The following RPS6KA2 variants were observed in gnomAD, a reference collection of about 807,000 sequenced individuals.
RPS6KA2 encodes the protein ribosomal protein S6 kinase A2.
RPS6KA2 carries 42 observed loss-of-function variants against 91.8 expected under a neutral mutation model. That is an observed-to-expected ratio of 0.46 (90% confidence interval 0.36 to 0.59). The LOEUF (loss-of-function observed/expected upper bound fraction) is 0.59. Among genes scored for constraint, RPS6KA2 ranks in the 20% least tolerant of loss-of-function variants. RPS6KA2 has a pLI of 0.00. For missense variants in RPS6KA2, 798 were observed against 978.5 expected, an observed-to-expected ratio of 0.82 and a Z score of 2.46; for synonymous variants, 414 against 393.6, an observed-to-expected ratio of 1.05 and a Z score of -0.61.
chr6:166,818,399 C>A (rs970359954), intron 2 of RPS6KA2, among the ~76,000 whole-genome samples: 5 of 152,146 alleles, frequency 3.3e-5, no homozygotes, highest in African/African-American at 1.2e-4. Context: ...CAGATTAAAG[C>A]CTTTTGACAA....
At chr6:166,584,781 A>G (rs1785117823) in intron 1 of RPS6KA2, among the ~76,000 whole-genome samples, 1 of 152,266 alleles carries the variant, frequency 6.6e-6, no homozygotes, top group Non-Finnish European at 1.5e-5. Flanking sequence ...TGAGCTCAGA[A>G]AGCGTTCCAA....
intron 12 of RPS6KA2, among the ~76,000 whole-genome samples, chr6:166,452,952 C>T (rs558568303): frequency 9.9e-5 from 15 of 152,240 alleles, no homozygotes; most frequent in African/African-American, 3.4e-4. Context: ...GTAATCCCAG[C>T]ACTTTGGGAG....
chr6:166,575,027 C>T (rs185614422), intron 1 of RPS6KA2, among the ~76,000 whole-genome samples: 1 of 152,250 alleles, frequency 6.6e-6, no homozygotes, highest in Non-Finnish European at 1.5e-5. Flanking sequence ...CCCTGGTCTG[C>T]CCCACTGCTC....
chr6:166,486,178 G>A (rs1328730573), intron 10 of RPS6KA2, among the ~76,000 whole-genome samples: 1 of 152,184 alleles, frequency 6.6e-6, no homozygotes, highest in Non-Finnish European at 1.5e-5. Flanking sequence ...TGCTGAGGGG[G>A]TCCCAGTAAC....
intron 3 of RPS6KA2, among the ~76,000 whole-genome samples, chr6:166,514,002 A>G (rs1236469968): frequency 6.6e-6 from 1 of 152,130 alleles, no homozygotes; most frequent in Non-Finnish European, 1.5e-5. Context: ...AGTGATCTGG[A>G]TTCTGCGTGC....
chr6:166,754,997 C>T (rs1777967517), intron 2 of RPS6KA2, among the ~76,000 whole-genome samples: 1 of 152,198 alleles, frequency 6.6e-6, no homozygotes, highest in Non-Finnish European at 1.5e-5. Context: ...ATTTCAATGA[C>T]CCCTTCCAGC....
chr6:166,653,227 A>C lies in RPS6KA2; in HGVS notation c.124-114443T>G, dbSNP rs574687097. Among the ~76,000 whole-genome samples, 5 of 152,126 alleles carry C rather than the reference A, an allele frequency of 3.3e-5. No individual in the cohort carries two copies. The East Asian group carries it at 9.7e-4, about 29-fold the overall frequency. ...AGGCATGTGCCACCATGCCCGACTAATTTTTGTATGTTTAGTAGAGACAGG... is the reference window on the plus strand; with the variant it reads ...AGGCATGTGCCACCATGCCCGACTACTTTTTGTATGTTTAGTAGAGACAGG... On this transcript the variant is annotated intron_variant, in intron 2 of 21. Coordinates refer to the RPS6KA2 transcript ENST00000503859.
chr6:166,458,227 G>A (rs943170348), intron 12 of RPS6KA2, among the ~76,000 whole-genome samples: 4 of 152,194 alleles, frequency 2.6e-5, no homozygotes, highest in African/African-American at 9.7e-5. Context: ...ATTCCCATGT[G>A]TTGTAGGAGG....
At chr6:166,798,075 C>A (rs1299912200) in intron 2 of RPS6KA2, among the ~76,000 whole-genome samples, 1 of 152,214 alleles carries the variant, frequency 6.6e-6, no homozygotes, top group Non-Finnish European at 1.5e-5. Flanking sequence ...AACCAGAGAT[C>A]AAACAGAGCA....
intron 2 of RPS6KA2, among the ~76,000 whole-genome samples, chr6:166,783,840 C>T (rs1198086308): frequency 6.9e-5 from 5 of 72,782 alleles, no homozygotes; most frequent in Admixed American, 1.5e-4. Flanking sequence ...ACGTGCACAC[C>T]TATCTATACC....
intron 2 of RPS6KA2, among the ~76,000 whole-genome samples, chr6:166,717,217 A>T (rs908310366): frequency 1.3e-5 from 2 of 152,246 alleles, no homozygotes; most frequent in African/African-American, 4.8e-5. Flanking sequence ...GGGTGGAGGC[A>T]TCGCCATTGC....
intron 1 of RPS6KA2, among the ~76,000 whole-genome samples, chr6:166,587,657 AAAT>A (rs1430826163): frequency 7.4e-6 from 1 of 135,104 alleles, no homozygotes; most frequent in African/African-American, 3.0e-5. Context: ...AACCAGCATA[AAAT>A]AAATATTATA....
intron 2 of RPS6KA2, among the ~76,000 whole-genome samples, chr6:166,843,528 G>C (rs1780537555): frequency 6.6e-6 from 1 of 152,186 alleles, no homozygotes; most frequent in Non-Finnish European, 1.5e-5. Context: ...TTCACTCCCT[G>C]CTACCTCCAC....
At chr6:166,691,377 C>T (rs1789202299) in intron 2 of RPS6KA2, among the ~76,000 whole-genome samples, 1 of 152,186 alleles carries the variant, frequency 6.6e-6, no homozygotes, top group Admixed American at 6.5e-5. Context: ...TCCAGTCCAG[C>T]CTGAGACCTG....
chr6:166,470,493 T>C (rs9459678), intron 10 of RPS6KA2, among the ~76,000 whole-genome samples: 65,810 of 152,180 alleles, frequency 0.43, 15,602 homozygotes, highest in African/African-American at 0.64. Context: ...TGCTTTGTTC[T>C]GTTATTTCTA....
chr6:166,791,175 C>G (rs1367011156), intron 2 of RPS6KA2, among the ~76,000 whole-genome samples: 1 of 151,784 alleles, frequency 6.6e-6, no homozygotes, highest in Non-Finnish European at 1.5e-5. Flanking sequence ...GAAGATCTAC[C>G]AAGCAAATGG....
rs766216471 is a variant in RPS6KA2, at chr6:166,733,707, C to T, written c.123+124493G>A. Among the ~76,000 whole-genome samples, 12 of 152,282 alleles carry T rather than the reference C, an allele frequency of 7.9e-5. No homozygotes were observed. Among genetic ancestry groups the T allele is most frequent in the African/African-American group, 2.9e-4 (12 of 41,548 alleles). On this transcript the variant is annotated intron_variant, in intron 2 of 21. Transcript: ENST00000503859. This position sits in a 1 kb window ranked among gnomAD's most constrained non-coding sequence, Gnocchi z 4.1. The stretch of plus-strand genomic sequence containing the variant: ...GTCCCAGGCACAGGTCACATTTCAG[C>T]GGGTTCCGGAGCTCACTCTAAGTGG...
At chr6:166,422,698 C>T (rs73269234) in intron 17 of RPS6KA2, among the ~76,000 whole-genome samples, 1,972 of 152,278 alleles carry the variant, frequency 0.013, 36 homozygotes, top group African/African-American at 0.036. Context: ...CTAGCTGCTC[C>T]GAGCGGGGCT....
intron 2 of RPS6KA2, among the ~76,000 whole-genome samples, chr6:166,650,217 G>A (rs538085526): frequency 4.6e-5 from 7 of 151,516 alleles, no homozygotes; most frequent in South Asian, 2.1e-4. Flanking sequence ...TCTCTACTGC[G>A]GAGGGAATGA....
Sources: gnomAD v4.1 joint callset for allele counts (sites outside exome capture counted in the v4.1 genomes callset) on GRCh38, gnomAD v4.1.1 for gene constraint, Gnocchi (gnomAD v3.1) non-coding constraint, MANE v1.5 for transcripts, NCBI Gene and HGNC (gene_info 2026-07-23, HGNC 2026-07-21) for gene names.